The following MYO1D variants were observed in gnomAD, a reference collection of about 807,000 sequenced individuals.
MYO1D encodes the protein myosin ID.
Under a neutral mutation model 122.0 loss-of-function variants are expected in MYO1D, and 83 were observed. The observed-to-expected ratio is 0.68, with a 90% confidence interval of 0.57 to 0.82. The LOEUF (loss-of-function observed/expected upper bound fraction) is 0.82. Among genes scored for constraint, MYO1D ranks in the 40% least tolerant of loss-of-function variants. MYO1D has a pLI of 0.00. For synonymous variants in MYO1D, 464 were observed against 446.9 expected (o/e 1.04, Z -0.48); for missense variants, 1,157 against 1,269.5 (o/e 0.91, Z 1.35).
intron 19 of MYO1D, among the ~76,000 whole-genome samples, chr17:32,647,446 G>A (rs1186045203): frequency 2.0e-5 from 3 of 152,186 alleles, no homozygotes; most frequent in Non-Finnish European, 4.4e-5. Context: ...CAGGACCCAG[G>A]TAAAGACATG....
intron 1 of MYO1D, among the ~76,000 whole-genome samples, chr17:32,801,964 A>C (rs943132038): frequency 6.6e-6 from 1 of 152,236 alleles, no homozygotes; most frequent in Non-Finnish European, 1.5e-5. Flanking sequence ...CCACTATCCA[A>C]ATCTGGGATA....
intron 21 of MYO1D, among the ~76,000 whole-genome samples, chr17:32,533,390 C>A (rs1035212745): frequency 6.6e-6 from 1 of 152,124 alleles, no homozygotes; most frequent in Non-Finnish European, 1.5e-5. Context: ...ATTTTACCTC[C>A]AAAACCTGTT....
At chr17:32,869,744 C>G (rs1366287846) in intron 1 of MYO1D, among the ~76,000 whole-genome samples, 1 of 151,950 alleles carries the variant, frequency 6.6e-6, no homozygotes, top group African/African-American at 2.4e-5. Context: ...CAAAGTGTAT[C>G]TCTTTAATGT....
At chr17:32,862,017 C>G (rs1047228656) in intron 1 of MYO1D, among the ~76,000 whole-genome samples, 5 of 152,148 alleles carry the variant, frequency 3.3e-5, no homozygotes, top group African/African-American at 1.2e-4. Context: ...GACCTTGTCT[C>G]AATAAATAAA....
At chr17:32,848,555 A>C (rs2090957990) in intron 1 of MYO1D, among the ~76,000 whole-genome samples, 1 of 152,238 alleles carries the variant, frequency 6.6e-6, no homozygotes, top group Non-Finnish European at 1.5e-5. Flanking sequence ...AGAATGATCA[A>C]GAAGACTAAA....
chr17:32,708,093 T>G (rs2089330882), intron 16 of MYO1D, among the ~76,000 whole-genome samples: 1 of 152,104 alleles, frequency 6.6e-6, no homozygotes, highest in Admixed American at 6.5e-5. Flanking sequence ...ATCCTTCTAG[T>G]GAATCATCAA....
chr17:32,712,131 T>C lies in MYO1D; in HGVS notation c.1978A>G (p.Lys660Glu). 4 of 1,614,148 alleles carry C rather than the reference T, an allele frequency of 2.5e-6. No homozygotes were observed. Among genetic ancestry groups the C allele is most frequent in the South Asian group, 2.2e-5 (2 of 91,086 alleles). Residue 660 changes from lysine (K) to glutamate (E), a missense_variant, in exon 16 of 22, where the codon AAG (lysine) becomes GAG (glutamate). Lys to Glu is a moderately conservative substitution (Grantham distance 56). Transcript: ENST00000318217. Reference sequence around the variant, plus strand: ...AAACCACACCGTTCAATTAGTTTCTTGACAGCCTCTTTGTCTGAAGGAAGG... The same window carrying C: ...AAACCACACCGTTCAATTAGTTTCTCGACAGCCTCTTTGTCTGAAGGAAGG... ...HDLPSDKEAVKKLIERCGFQD... is the reference protein window; with the variant it reads ...HDLPSDKEAVEKLIERCGFQD...
chr17:32,804,780 T>C (rs1307967339), intron 1 of MYO1D, among the ~76,000 whole-genome samples: 1 of 152,132 alleles, frequency 6.6e-6, no homozygotes, highest in African/African-American at 2.4e-5. Context: ...AATAAAGAGT[T>C]TAGTAACTTT....
intron 1 of MYO1D, among the ~76,000 whole-genome samples, chr17:32,786,540 C>T (rs966618680): frequency 6.6e-6 from 1 of 152,250 alleles, no homozygotes; most frequent in African/African-American, 2.4e-5. Flanking sequence ...AATCATTAGG[C>T]CGGGCGCACT....
chr17:32,572,394 C>T (rs1000299187), intron 21 of MYO1D, among the ~76,000 whole-genome samples: 1 of 152,140 alleles, frequency 6.6e-6, no homozygotes, highest in African/African-American at 2.4e-5. Context: ...GATGCTCCAG[C>T]CACAAACAAA....
intron 20 of MYO1D, among the ~76,000 whole-genome samples, chr17:32,633,821 G>A (rs965382594): frequency 3.9e-5 from 6 of 152,088 alleles, no homozygotes; most frequent in African/African-American, 7.2e-5. Context: ...TTGCTTAAAT[G>A]TCAACTTCTC....
At chr17:32,585,496 G>A (rs894532593) in intron 21 of MYO1D, among the ~76,000 whole-genome samples, 3 of 152,196 alleles carry the variant, frequency 2.0e-5, no homozygotes, top group South Asian at 2.1e-4. Flanking sequence ...TTGACAGGCC[G>A]AGGTGGGAGG....
intron 1 of MYO1D, among the ~76,000 whole-genome samples, chr17:32,839,922 T>C (rs903864171): frequency 1.2e-4 from 19 of 152,166 alleles, no homozygotes; most frequent in African/African-American, 4.6e-4. Flanking sequence ...CAAAAAGACA[T>C]AGTTCTCATT....
At chr17:32,772,041 A>G (rs1257408565) in intron 5 of MYO1D, among the ~76,000 whole-genome samples, 1 of 152,232 alleles carries the variant, frequency 6.6e-6, no homozygotes, top group Non-Finnish European at 1.5e-5. Context: ...TATACAAATG[A>G]GTAGTGTCTA....
Position 32,618,449 on chromosome 17 carries a change from C to T in MYO1D, c.2710-13208G>A, listed in dbSNP as rs370292054. Among the ~76,000 whole-genome samples, 7 of 152,236 alleles carry T rather than the reference C, an allele frequency of 4.6e-5. No individual in the cohort carries two copies. The East Asian group carries it at 7.7e-4, about 17-fold the overall frequency. On this transcript the variant is annotated intron_variant, in intron 20 of 21. Coordinates refer to ENST00000318217, the MANE Select transcript of MYO1D (RefSeq NM_015194.3). ...AATAAAACATCTCCATATCAAACTT[C>T]AATTTCTTCCCAATATTCCACATCC...
chr17:32,747,534 A>C (rs1344434929), intron 12 of MYO1D, among the ~76,000 whole-genome samples: 1 of 152,080 alleles, frequency 6.6e-6, no homozygotes, highest in Admixed American at 6.6e-5. Flanking sequence ...ATCAAATGTC[A>C]CTTTAAAATA....
At chr17:32,608,262 C>G (rs1400791609) in intron 20 of MYO1D, among the ~76,000 whole-genome samples, 7 of 152,106 alleles carry the variant, frequency 4.6e-5, no homozygotes, top group Admixed American at 2.0e-4. Context: ...TATTTAGAAT[C>G]TATAAAGAGC....
chr17:32,707,539 T>G (rs143199644), intron 16 of MYO1D, among the ~76,000 whole-genome samples: 1 of 133,930 alleles, frequency 7.5e-6, no homozygotes, highest in South Asian at 2.5e-4. Context: ...AAGATGTCTA[T>G]TAAAGTTTAG....
intron 19 of MYO1D, among the ~76,000 whole-genome samples, chr17:32,651,674 CT>C (rs869114531): frequency 0.037 from 4,959 of 134,108 alleles, 263 homozygotes; most frequent in African/African-American, 0.12. Flanking sequence ...CTTTTTCCCA[CT>C]TTTTTTTTTT....
Sources: allele counts gnomAD v4.1 joint callset (sites outside exome capture counted in the v4.1 genomes callset), GRCh38; gene constraint gnomAD v4.1.1; transcripts MANE v1.5; gene names NCBI Gene and HGNC (gene_info 2026-07-23, HGNC 2026-07-21).